The following DENND5B variants were observed in gnomAD, a reference collection of about 807,000 sequenced individuals.
DENND5B encodes DENN domain-containing protein 5B.
Under a neutral mutation model 140.6 loss-of-function variants are expected in DENND5B, and 34 were observed. The observed-to-expected ratio is 0.24, with a 90% CI of 0.18 to 0.32. The LOEUF (loss-of-function observed/expected upper bound fraction) is 0.32. Ranked by LOEUF, DENND5B falls within the 10% of genes least tolerant of loss-of-function variation. DENND5B has a pLI of 1.00. For missense variants in DENND5B, 1,142 were observed against 1,560.2 expected, an observed-to-expected ratio of 0.73 and a Z score of 4.52; for synonymous variants, 551 against 562.1, an observed-to-expected ratio of 0.98 and a Z score of 0.28.
chr12:31,422,301 G>T (rs1283474793), intron 11 of DENND5B, among the ~76,000 whole-genome samples: 1 of 151,428 alleles, frequency 6.6e-6, no homozygotes, highest in Non-Finnish European at 1.5e-5. Context: ...GTGCTCACGG[G>T]CACCTGTAGT....
At chr12:31,562,563 G>T (rs1045300017) in intron 1 of DENND5B, among the ~76,000 whole-genome samples, 1 of 151,866 alleles carries the variant, frequency 6.6e-6, no homozygotes, top group Admixed American at 6.6e-5. Context: ...GCGGTGAGCC[G>T]AGATCGCACC....
chr12:31,480,268 GA>G lies in DENND5B; in HGVS notation c.238-14del, dbSNP rs369184034. 0.011 allele frequency: 11,449 copies of G among 1,009,748 alleles called. 3 individuals are homozygous for G. The highest frequency in any genetic ancestry group is 0.039 in the South Asian group (1,624 of 42,130). The allele number at this position is 1,009,748 out of a possible 1,614,324, so 62.5% of individuals were successfully genotyped here. A position where few individuals can be genotyped will look rare whatever the true frequency, so the allele number is the denominator to read the frequency against. On this transcript the variant is annotated splice_polypyrimidine_tract_variant and intron_variant, in intron 2 of 20. Transcript: ENST00000389082. Reference sequence around the variant, plus strand: ...TAGGCATGCACAACTGTGAAAGAAAGAAAAAAAAAAATCAGAATGCAGTACA... The same window carrying G: ...TAGGCATGCACAACTGTGAAAGAAAGAAAAAAAAAATCAGAATGCAGTACA...
intron 3 of DENND5B, among the ~76,000 whole-genome samples, chr12:31,467,412 C>A (rs1168717924): frequency 6.6e-6 from 1 of 151,940 alleles, no homozygotes; most frequent in Non-Finnish European, 1.5e-5. Context: ...CTGCTTGAGC[C>A]CAGGACTTCA....
chr12:31,571,067 TTTACATAGCCC>T (rs1949806292), intron 1 of DENND5B, among the ~76,000 whole-genome samples: 1 of 152,048 alleles, frequency 6.6e-6, no homozygotes, highest in Non-Finnish European at 1.5e-5. Context: ...TCATGAAATG[TTTACATAGCCC>T]TTACTATGGG....
chr12:31,564,971 G>A (rs1378939248), intron 1 of DENND5B, among the ~76,000 whole-genome samples: 2 of 152,090 alleles, frequency 1.3e-5, no homozygotes, highest in African/African-American at 4.8e-5. Flanking sequence ...CACTACTATT[G>A]CTTTAGTATG....
chr12:31,399,677 A>G lies in DENND5B; in HGVS notation c.3045T>C (p.Asn1015=). ...ACCTGTATGTATGTCCTGTGATTTC[A>G]TTTCTGACCATGACACAATCCACTA... ...KWLVDCVMVR[N]EITGHTYRFP... is the part of the protein sequence containing the mutation. The change falls in exon 16 of 21, where the codon AAT becomes AAC. Residue 1015 remains asparagine (N), a synonymous_variant. Coordinates refer to ENST00000389082, the MANE Select transcript of DENND5B (RefSeq NM_144973.4). The G allele has an allele frequency of 3.7e-6, 6 of 1,613,774 alleles. No individual in the cohort carries two copies. Among genetic ancestry groups the G allele is most frequent in the Non-Finnish European group, 5.1e-6 (6 of 1,179,770 alleles).
intron 7 of DENND5B, among the ~76,000 whole-genome samples, chr12:31,437,904 CATA>C (rs1326976880): frequency 6.6e-6 from 1 of 152,238 alleles, no homozygotes; most frequent in Non-Finnish European, 1.5e-5. Context: ...TATGTAAGAG[CATA>C]ATATCACATT....
chr12:31,541,845 C>CCACAATTTA (rs1408031076), intron 1 of DENND5B, among the ~76,000 whole-genome samples: 1 of 152,162 alleles, frequency 6.6e-6, no homozygotes, highest in African/African-American at 2.4e-5. Flanking sequence ...GGTACTTATA[C>CCACAATTTA]ATAATGGAGC....
chr12:31,506,844 A>T (rs1010024085), intron 1 of DENND5B, among the ~76,000 whole-genome samples: 1 of 152,222 alleles, frequency 6.6e-6, no homozygotes, highest in Non-Finnish European at 1.5e-5. Flanking sequence ...AGGGCATGTC[A>T]CCTACTTTCC....
At chr12:31,554,111 G>T (rs1471168278) in intron 1 of DENND5B, among the ~76,000 whole-genome samples, 2 of 152,194 alleles carry the variant, frequency 1.3e-5, no homozygotes, top group Non-Finnish European at 2.9e-5. Context: ...TCATTATGAT[G>T]TTAGATGGTT....
chr12:31,400,856 T>TTG (rs1941757801), intron 15 of DENND5B, among the ~76,000 whole-genome samples: 1 of 151,528 alleles, frequency 6.6e-6, no homozygotes, highest in African/African-American at 2.4e-5. Flanking sequence ...TTTTGTTTTT[T>TTG]TTTTAGACAG....
intron 7 of DENND5B, among the ~76,000 whole-genome samples, chr12:31,437,986 T>A (rs57693803): frequency 0.15 from 22,461 of 152,180 alleles, 1,865 homozygotes; most frequent in East Asian, 0.25. Context: ...GTATTCCAGA[T>A]TTTTTCTTTT....
chr12:31,563,574 C>T (rs569729246), intron 1 of DENND5B, among the ~76,000 whole-genome samples: 2 of 152,128 alleles, frequency 1.3e-5, no homozygotes, highest in Non-Finnish European at 1.5e-5. Flanking sequence ...AGCAGTCTTA[C>T]GAACTTTGAG....
chr12:31,475,653 G>A (rs1238596927), intron 3 of DENND5B, among the ~76,000 whole-genome samples: 1 of 152,108 alleles, frequency 6.6e-6, no homozygotes, highest in African/African-American at 2.4e-5. Context: ...GGAGGCTGAG[G>A]GGTGAAGGTT....
rs369020231 is a variant in DENND5B, at chr12:31,452,237, C to T, written c.1332G>A (p.Met444Ile). 64 of 1,613,980 alleles carry T rather than the reference C, an allele frequency of 4.0e-5. No homozygotes were observed. The highest frequency in any genetic ancestry group is 6.8e-6 in the Non-Finnish European group (8 of 1,179,896). ...NGNVCTNNIS[M>I]YELLKGNETI... is the part of the protein sequence containing the mutation. ...TTTCATTGCCCTTCAGTAACTCATA[C>T]ATGCTGATGTTATTAGTACAGACAT... Residue 444 changes from methionine (M) to isoleucine (I), a missense_variant, in exon 5 of 21, where the codon ATG becomes ATA. Met to Ile is a conservative substitution (Grantham distance 10). Coordinates refer to ENST00000389082, the MANE Select transcript of DENND5B (RefSeq NM_144973.4).
At chr12:31,527,294 A>G (rs567946849) in intron 1 of DENND5B, among the ~76,000 whole-genome samples, 2 of 152,266 alleles carry the variant, frequency 1.3e-5, no homozygotes, top group African/African-American at 4.8e-5. Flanking sequence ...AGAACAGCTA[A>G]AGCAAAGATC....
chr12:31,471,348 T>C (rs1945549846), intron 3 of DENND5B, among the ~76,000 whole-genome samples: 1 of 152,140 alleles, frequency 6.6e-6, no homozygotes, highest in South Asian at 2.1e-4. Context: ...GGAGTCTCGC[T>C]CTGTCACCTA....
intron 1 of DENND5B, among the ~76,000 whole-genome samples, chr12:31,570,501 T>C (rs1949782881): frequency 6.7e-6 from 1 of 149,748 alleles, no homozygotes; most frequent in African/African-American, 2.5e-5. Context: ...ATGGTCTCGA[T>C]CTCCTGACCT....
intron 1 of DENND5B, chr12:31,500,490 A>T: frequency 2.4e-6 from 1 of 415,304 alleles, no homozygotes; most frequent in South Asian, 1.8e-5. Flanking sequence ...GACCAGCCTG[A>T]TCAACATGGT....
Sources: allele counts gnomAD v4.1 joint callset (sites outside exome capture counted in the v4.1 genomes callset), GRCh38; gene constraint gnomAD v4.1.1; transcripts MANE v1.5; gene names NCBI Gene and HGNC (gene_info 2026-07-23, HGNC 2026-07-21).